SRRM4: variants seen among roughly 807,000 people sequenced by gnomAD.
SRRM4 encodes the protein serine/arginine repetitive matrix 4.
A neutral mutation model predicts 68.9 loss-of-function variants in SRRM4; 33 were observed. The observed-to-expected ratio is 0.48, with a 90% confidence interval of 0.36 to 0.64. The LOEUF is 0.64. Ranked by LOEUF, SRRM4 falls within the 30% of genes least tolerant of loss-of-function variation. SRRM4 has a pLI of 0.00. For synonymous variants in SRRM4, 318 were observed against 318.8 expected (o/e 1.00, Z 0.03); for missense variants, 817 against 827.1 (o/e 0.99, Z 0.15).
rs1954211319 is a variant in SRRM4, at chr12:119,120,293, C to G, written c.464+17C>G. The G allele has an allele frequency of 3.2e-6, 5 of 1,550,352 alleles. No individual in the cohort carries two copies. Among genetic ancestry groups the G allele is most frequent in the Non-Finnish European group, 4.4e-6 (5 of 1,146,702 alleles). ...AAGGCACAGGTAAGACTCTTGTTCT[C>G]TGACTGCCTGTTCAATTTTCTGCTT... On this transcript the variant is annotated intron_variant, in intron 5 of 12. Coordinates refer to ENST00000267260, the MANE Select transcript of SRRM4 (RefSeq NM_194286.4).
intron 9 of SRRM4, among the ~76,000 whole-genome samples, chr12:119,149,038 T>C (rs1186631495): frequency 6.6e-6 from 1 of 152,180 alleles, no homozygotes; most frequent in African/African-American, 2.4e-5. Flanking sequence ...GAGACTTCTC[T>C]GTAAATCTGG....
intron 10 of SRRM4, among the ~76,000 whole-genome samples, chr12:119,152,876 C>T (rs1954448358): frequency 6.6e-6 from 1 of 152,180 alleles, no homozygotes; most frequent in Non-Finnish European, 1.5e-5. Flanking sequence ...AGATGCACAA[C>T]AATATAGTCT....
At chr12:119,045,427 C>T (rs891267249) in intron 1 of SRRM4, among the ~76,000 whole-genome samples, 3 of 151,904 alleles carry the variant, frequency 2.0e-5, no homozygotes, top group Admixed American at 2.0e-4. Flanking sequence ...GACTTAGGAA[C>T]TCCCAGGGCT....
rs756880003 is a variant in SRRM4, at chr12:119,151,071, C to T, written c.1131C>T (p.Val377=). The T allele has an allele frequency of 6.8e-6, 11 of 1,613,958 alleles. No homozygotes were observed. The highest frequency in any genetic ancestry group is 6.6e-5 in the South Asian group (6 of 91,082). The change falls in exon 10 of 13, where the codon GTC becomes GTT. Residue 377 remains valine, a synonymous_variant. Transcript: ENST00000267260. The part of the protein sequence containing the change: ...ECAEVKKSSL[V]PSTARSSPMK... Reference sequence around the variant, plus strand: ...CCGAAGTGAAGAAGTCCAGTTTGGTCCCATCCACAGCCCGGAGCTCACCCA... The same window carrying T: ...CCGAAGTGAAGAAGTCCAGTTTGGTTCCATCCACAGCCCGGAGCTCACCCA...
At chr12:119,055,927 C>A (rs1278733969) in intron 1 of SRRM4, among the ~76,000 whole-genome samples, 1 of 152,200 alleles carries the variant, frequency 6.6e-6, no homozygotes, top group Non-Finnish European at 1.5e-5. Flanking sequence ...CTTCCAGAAC[C>A]CATGCTGTAC....
chr12:119,012,161 G>T (rs11609314), intron 1 of SRRM4, among the ~76,000 whole-genome samples: 5,602 of 152,214 alleles, frequency 0.037, 179 homozygotes, highest in East Asian at 0.13. Context: ...TGGGATCATC[G>T]TCTGGGAATT....
At chr12:119,003,949 T>C (rs969468417) in intron 1 of SRRM4, among the ~76,000 whole-genome samples, 2 of 151,998 alleles carry the variant, frequency 1.3e-5, no homozygotes, top group Admixed American at 6.5e-5. Flanking sequence ...TAGAGTATGA[T>C]AGAGATGTTT....
chr12:119,081,236 CAG>C (rs1254821301), intron 1 of SRRM4, among the ~76,000 whole-genome samples: 2 of 152,060 alleles, frequency 1.3e-5, no homozygotes, highest in African/African-American at 4.8e-5. Flanking sequence ...ATACTATAGA[CAG>C]AAATAAAGCA....
chr12:119,153,477 C>A lies in SRRM4; in HGVS notation c.1281-62C>A, dbSNP rs927287402. ...GGGACCCGCTGAATAAAGCTCAAGC[C>A]GTCTTGGATAACCCAGGCGGACACT... On this transcript the variant is annotated intron_variant, in intron 10 of 12. Transcript: ENST00000267260. The A allele has an allele frequency of 7.1e-6, 8 of 1,125,990 alleles. No individual in the cohort carries two copies. The Admixed American group carries it at 1.6e-4, about 23-fold the overall frequency. 69.7% of individuals were successfully genotyped at this position (1,125,990 alleles called of 1,614,324 possible).
At chr12:119,112,181 T>A (rs1954148866) in intron 2 of SRRM4, among the ~76,000 whole-genome samples, 1 of 152,228 alleles carries the variant, frequency 6.6e-6, no homozygotes, top group Non-Finnish European at 1.5e-5. Context: ...GGTACTTAAT[T>A]CCTGTGATAC....
At chr12:119,110,342 A>G (rs34067101) in intron 2 of SRRM4, among the ~76,000 whole-genome samples, 11,735 of 152,244 alleles carry the variant, frequency 0.077, 507 homozygotes, top group Admixed American at 0.1. Context: ...AACCACTACT[A>G]TCTTCAAAAC....
At chr12:119,150,845 C>T (rs916665209) in intron 9 of SRRM4, among the ~76,000 whole-genome samples, 172 bp from the exon 10 acceptor site, 2 of 152,192 alleles carry the variant, frequency 1.3e-5, no homozygotes, top group Non-Finnish European at 2.9e-5. Flanking sequence ...TCTGTCTCTA[C>T]TCCTCTAACA....
intron 1 of SRRM4, among the ~76,000 whole-genome samples, chr12:119,060,867 A>T (rs1001882498): frequency 1.3e-5 from 2 of 152,170 alleles, no homozygotes; most frequent in East Asian, 3.9e-4. Flanking sequence ...ATAGTGTGAG[A>T]TGAAAGGAGG....
At chr12:118,992,046 C>T (rs1487573217) in intron 1 of SRRM4, 1 of 152,128 alleles carries the variant, frequency 6.6e-6, no homozygotes, top group African/African-American at 2.4e-5. Context: ...AATAAATACA[C>T]ATATATTGGG....
chr12:119,038,375 C>T (rs1362865957), intron 1 of SRRM4, among the ~76,000 whole-genome samples: 1 of 151,996 alleles, frequency 6.6e-6, no homozygotes, highest in Non-Finnish European at 1.5e-5. Flanking sequence ...CCATGCCTGG[C>T]TAATTTTTTG....
intron 9 of SRRM4, 86 bp from the exon 10 acceptor site, chr12:119,150,931 G>T: frequency 7.6e-7 from 1 of 1,312,476 alleles, no homozygotes. Context: ...GAGCACCACA[G>T]CCTAGGCCAA....
intron 1 of SRRM4, among the ~76,000 whole-genome samples, chr12:119,089,389 G>C (rs61938013): frequency 0.1 from 15,274 of 152,256 alleles, 856 homozygotes; most frequent in Middle Eastern, 0.15. Flanking sequence ...CGGAAGGACA[G>C]ACATTTCCTA....
intron 1 of SRRM4, among the ~76,000 whole-genome samples, chr12:119,038,412 C>G (rs533910690): frequency 6.1e-4 from 93 of 152,118 alleles, no homozygotes; most frequent in African/African-American, 2.2e-3. Context: ...GGGGTTTCAC[C>G]GTGTTAGCCA....
chr12:119,110,089 C>T (rs1187660354), intron 2 of SRRM4, among the ~76,000 whole-genome samples: 1 of 152,174 alleles, frequency 6.6e-6, no homozygotes, highest in Non-Finnish European at 1.5e-5. Context: ...GCTGGAGGTC[C>T]ACTCCAGACA....
Sources: gnomAD v4.1 joint callset for allele counts (sites outside exome capture counted in the v4.1 genomes callset) on GRCh38, gnomAD v4.1.1 for gene constraint, MANE v1.5 for transcripts, NCBI Gene and HGNC (gene_info 2026-07-23, HGNC 2026-07-21) for gene names.